ATP2A3: variants seen among roughly 807,000 people sequenced by gnomAD.
ATP2A3 encodes the protein sarcoplasmic/endoplasmic reticulum calcium ATPase 3.
Under a neutral mutation model 106.8 loss-of-function variants are expected in ATP2A3, and 61 were observed. That is an observed-to-expected ratio of 0.57 (90% CI 0.46 to 0.71). ATP2A3 has a LOEUF of 0.71. Ranked by LOEUF, ATP2A3 falls within the 30% of genes least tolerant of loss-of-function variation. The probability of loss-of-function intolerance (pLI) is 0.00; values close to 1 mark genes in which losing one functional copy is unlikely to be tolerated. For synonymous variants in ATP2A3, 611 were observed against 609.3 expected (o/e 1.00, Z -0.04); for missense variants, 1,201 against 1,423.5 (o/e 0.84, Z 2.52).
intron 1 of ATP2A3, among the ~76,000 whole-genome samples, chr17:3,957,509 C>G (rs1168503443): frequency 6.6e-6 from 1 of 152,200 alleles, no homozygotes; most frequent in African/African-American, 2.4e-5. Flanking sequence ...CAGCCCAAAT[C>G]CTCCTGTCCA....
chr17:3,940,851 G>T, intron 14 of ATP2A3, 120 bp downstream of exon 14: 3 of 1,239,580 alleles, frequency 2.4e-6, no homozygotes, highest in African/African-American at 1.5e-5. Context: ...TGAATTTTTT[G>T]GTAATAAGAT....
chr17:3,927,392 C>G (rs778775304), intron 20 of ATP2A3: 4 of 985,364 alleles, frequency 4.1e-6, no homozygotes, highest in Non-Finnish European at 4.8e-6. Context: ...CCGAGGAAGA[C>G]AAGCCACCTG....
Position 3,926,797 on chromosome 17 carries a change from T to C in ATP2A3, c.2981-1356A>G, listed in dbSNP as rs1284811330. ...GTTGGCCAGGCTGGTCTCTAACTCC[T>C]GACTCAGGTGATCTGCCCACCTCGG... On this transcript the variant is annotated intron_variant, in intron 20 of 20. Transcript: ENST00000397041. The surrounding 1 kb of genome is among the most constrained non-coding windows in gnomAD (Gnocchi z 4.6). 3.2e-6 allele frequency: 3 copies of C among 939,266 alleles called. No homozygotes were observed. The African/African-American group carries it at 5.3e-5, about 17-fold the overall frequency. The allele number at this position is 939,266 out of a possible 1,614,324, so 58.2% of individuals were successfully genotyped here.
rs560653316 is a variant in ATP2A3, at chr17:3,925,678, C to T, written c.2981-237G>A. On this transcript the variant is annotated intron_variant, in intron 20 of 20. Coordinates refer to ENST00000397041, the MANE Select transcript of ATP2A3 (RefSeq NM_005173.4). This position sits in a 1 kb window ranked among gnomAD's most constrained non-coding sequence, Gnocchi z 4.2. Reference sequence around the variant, plus strand: ...CACTCCACTGTTCCATCAGCACCCCCAAACCCTCCAGTACATACTCTCCTG... The same window carrying T: ...CACTCCACTGTTCCATCAGCACCCCTAAACCCTCCAGTACATACTCTCCTG... 6.6e-6 allele frequency among the ~76,000 whole-genome samples: 1 copy of T among 152,022 alleles called. No individual in the cohort carries two copies. The highest frequency in any genetic ancestry group is 2.4e-5 in the African/African-American group (1 of 41,438).
rs183251003 is a variant in ATP2A3 at position 3,928,792 on chromosome 17, G to C, written c.2863-12C>G. The stretch of plus-strand genomic sequence containing the variant: ...ACCTGGAAAATGAGCTGGCGGGGAG[G>C]GGAAGGGAGGTTTGGTTAAAGGAAG... On this transcript the variant is annotated splice_polypyrimidine_tract_variant and intron_variant, in intron 19 of 20. Transcript: ENST00000397041. The surrounding 1 kb of genome is among the most constrained non-coding windows in gnomAD (Gnocchi z 6.1). The C allele has an allele frequency of 9.0e-6, 14 of 1,549,212 alleles. No homozygotes were observed. In the Admixed American group the frequency reaches 1.7e-4, roughly 19 times the overall value.
intron 1 of ATP2A3, among the ~76,000 whole-genome samples, chr17:3,958,729 T>TACAC (rs369060715): frequency 5.1e-5 from 6 of 117,840 alleles, no homozygotes; most frequent in Admixed American, 8.7e-5. Flanking sequence ...CACATATATA[T>TACAC]ACACATATAT....
At position 3,943,433 on chromosome 17, in the gene ATP2A3, C is replaced by A. The variant is rs748792889; in HGVS notation, c.1377G>T (p.Leu459=). ...VEKMNVFDTD[L]QALSRVERAG... ...CTCGCTCCACCCGGGACAGAGCCTG[C>A]AGGTCGGTGTCGAACACGTTCATCT... Residue 459 remains leucine (L), a synonymous_variant, in exon 11 of 21, where the codon CTG becomes CTT. Transcript: ENST00000397041. 5.6e-6 allele frequency: 9 copies of A among 1,613,992 alleles called. No individual in the cohort carries two copies. The Middle Eastern group carries it at 4.9e-4, about 88-fold the overall frequency.
Position 3,953,262 on chromosome 17 carries a change from C to G in ATP2A3, c.219+85G>C. The G allele has an allele frequency of 6.8e-7, 1 of 1,460,804 alleles. No individual in the cohort carries two copies. The highest frequency in any genetic ancestry group is 1.1e-5 in the South Asian group (1 of 87,720). 90.5% of individuals were successfully genotyped at this position (1,460,804 alleles called of 1,614,324 possible). ...CCAGGGTGTGGAGGACAGGCCCAGG[C>G]TCCAGGACCTCGGAGCACTGCCCAG... On this transcript the variant is annotated intron_variant, in intron 3 of 20. Transcript: ENST00000397041. The surrounding 1 kb of genome is among the most constrained non-coding windows in gnomAD (Gnocchi z 5.1).
rs560653316 is a variant in ATP2A3, at chr17:3,925,678, C to G, written c.2981-237G>C. ...CACTCCACTGTTCCATCAGCACCCC[C>G]AAACCCTCCAGTACATACTCTCCTG... On this transcript the variant is annotated intron_variant, in intron 20 of 20. Transcript: ENST00000397041. The surrounding 1 kb of genome is among the most constrained non-coding windows in gnomAD (Gnocchi z 4.2). Among the ~76,000 whole-genome samples, 1 of 151,904 alleles carries G rather than the reference C, an allele frequency of 6.6e-6. No homozygotes were observed. The highest frequency in any genetic ancestry group is 1.5e-5 in the Non-Finnish European group (1 of 67,984).
chr17:3,951,516 G>A (rs2054429910), intron 4 of ATP2A3, 65 bp downstream of exon 4: 1 of 1,561,714 alleles, frequency 6.4e-7, no homozygotes, highest in Non-Finnish European at 8.7e-7. Context: ...CCAGCACCAG[G>A]TGGAGGGCAC....
Position 3,951,366 on chromosome 17 carries a change from G to A in ATP2A3, c.348C>T (p.Ile116=), listed in dbSNP as rs987773696. ...CAGGCTCATACTCCTTCAGGGCCTC[G>A]ATGGCACTCTCGGCGTTGCGTTCCT... ...VWQERNAESA[I]EALKEYEPEM... is the part of the protein sequence containing the mutation. Residue 116 remains isoleucine (I), a synonymous_variant, in exon 5 of 21, where the codon ATC becomes ATT. Transcript: ENST00000397041. 1.4e-5 allele frequency: 23 copies of A among 1,613,694 alleles called. No homozygotes were observed. The highest frequency in any genetic ancestry group is 2.2e-5 in the East Asian group (1 of 44,884).
chr17:3,933,290 A>G (rs1361260297), intron 17 of ATP2A3, among the ~76,000 whole-genome samples: 1 of 151,194 alleles, frequency 6.6e-6, no homozygotes, highest in Non-Finnish European at 1.5e-5. Context: ...CAAATAAATA[A>G]ATAAATAAAT....
At position 3,928,669 on chromosome 17, in the gene ATP2A3, T is replaced by C; in HGVS notation, c.2974A>G (p.Met992Val). Reference protein sequence around the residue: ...EALKYLSRNHMHEEMSQK With the variant: ...EALKYLSRNHVHEEMSQK Reference sequence around the variant, plus strand: ...GACGGGGCCTCCCACTCACCGTGCATGTGGTTCCGGGACAGGTACTTGAGG... The same window carrying C: ...GACGGGGCCTCCCACTCACCGTGCACGTGGTTCCGGGACAGGTACTTGAGG... Residue 992 changes from methionine to valine, a missense_variant, in exon 20 of 21, where the codon ATG (methionine) becomes GTG (valine). Transcript: ENST00000397041. The surrounding 1 kb of genome is among the most constrained non-coding windows in gnomAD (Gnocchi z 6.1). 6.4e-7 allele frequency: 1 copy of C among 1,550,604 alleles called. No individual in the cohort carries two copies. The highest frequency in any genetic ancestry group is 8.7e-7 in the Non-Finnish European group (1 of 1,146,662).
At chr17:3,954,498 T>G (rs1208781898) in intron 1 of ATP2A3, among the ~76,000 whole-genome samples, 1 of 36,518 alleles carries the variant, frequency 2.7e-5, no homozygotes, top group Admixed American at 3.1e-4. Flanking sequence ...GAGGTGCTGA[T>G]TTTTTTTTTT....
chr17:3,937,355 C>T (rs1464930130), intron 15 of ATP2A3, 61 bp downstream of exon 15: 4 of 1,557,468 alleles, frequency 2.6e-6, no homozygotes, highest in African/African-American at 1.4e-5. Flanking sequence ...CAGGCGTTTT[C>T]CCCATCTCAG....
chr17:3,951,789 G>T (rs2054462401), intron 3 of ATP2A3, 104 bp from the exon 4 acceptor site: 4 of 1,162,764 alleles, frequency 3.4e-6, no homozygotes, highest in Non-Finnish European at 5.0e-6. Flanking sequence ...GCTTTGGGGA[G>T]ATAGCACTGG....
At chr17:3,943,271 C>CAAAAA in intron 11 of ATP2A3, 120 bp downstream of exon 11, 8 of 1,306,254 alleles carry the variant, frequency 6.1e-6, no homozygotes, top group East Asian at 5.2e-5. Context: ...GACTCCGTCT[C>CAAAAA]AAAAAAAAAA....
rs1004495052 is a variant in ATP2A3 at position 3,924,791 on chromosome 17, C to T, written c.*631G>A. 2.2e-6 allele frequency: 1 copy of T among 456,572 alleles called. No homozygotes were observed. Among genetic ancestry groups the T allele is most frequent in the South Asian group, 1.5e-5 (1 of 64,572 alleles). The allele number at this position is 456,572 out of a possible 1,614,324, so 28.3% of individuals were successfully genotyped here. A position where few individuals can be genotyped will look rare whatever the true frequency, so the allele number is the denominator to read the frequency against. On this transcript the variant is annotated 3_prime_UTR_variant, in exon 21 of 21. Coordinates refer to ENST00000397041, the MANE Select transcript of ATP2A3 (RefSeq NM_005173.4). This position sits in a 1 kb window ranked among gnomAD's most constrained non-coding sequence, Gnocchi z 6.4. ...TGTGTCCGTCTCTCTGACCCTTCAC[C>T]CGCCCGGGCCCTGCACATATAAACA...
Position 3,964,230 on chromosome 17 carries a change from T to C in ATP2A3, c.62A>G (p.Glu21Gly). The change falls in exon 1 of 21, where the codon GAG becomes GGG. Residue 21 changes from glutamate to glycine, a missense_variant. Around this residue, in one of 2 missense-constraint regions of ATP2A3, gnomAD observed 266 missense variants for 246.8 expected, o/e 1.08. Coordinates refer to ENST00000397041, the MANE Select transcript of ATP2A3 (RefSeq NM_005173.4). ...CACCTGCGCCGGGCTCAGGCCGCCC[T>C]CGGCTGTCACCGAGAAGTGGCGCAG... ...DVLRHFSVTA[E>G]GGLSPAQVTG... The C allele has an allele frequency of 7.8e-7, 1 of 1,277,400 alleles. No homozygotes were observed. 79.1% of individuals were successfully genotyped at this position (1,277,400 alleles called of 1,614,324 possible).
Sources: gnomAD v4.1 joint callset for allele counts (sites outside exome capture counted in the v4.1 genomes callset) on GRCh38, gnomAD v4.1.1 for gene constraint, gnomAD v4.1.1 regional missense constraint, Gnocchi (gnomAD v3.1) non-coding constraint, MANE v1.5 for transcripts, NCBI Gene and HGNC (gene_info 2026-07-23, HGNC 2026-07-21) for gene names.